Variants in AFF1 observed in about 807,000 individuals in gnomAD.
AFF1 encodes the protein ALF transcription elongation factor 1, also known as AF4/FMR2 family member 1.
In AFF1, 48 loss-of-function variants were observed where a neutral mutation model predicts 121.7. The ratio of observed to expected loss-of-function variants is 0.39; its 90% CI spans 0.31 to 0.50. The LOEUF is 0.50. Ranked by LOEUF, AFF1 falls within the 20% of genes least tolerant of loss-of-function variation. AFF1 has a pLI of 0.76. For synonymous variants in AFF1, 613 were observed against 563.0 expected, an observed-to-expected ratio of 1.09 and a Z score of -1.26; for missense variants, 1,523 against 1,511.7, an observed-to-expected ratio of 1.01 and a Z score of -0.12.
At chr4:86,999,034 C>G (rs1725482634) in intron 2 of AFF1, among the ~76,000 whole-genome samples, 1 of 152,210 alleles carries the variant, frequency 6.6e-6, no homozygotes, top group African/African-American at 2.4e-5. Flanking sequence ...CTGGTCTGGC[C>G]TTGGGACCAT....
In AFF1 at chr4:87,028,687, C is replaced by T. The variant is rs531806926; in HGVS notation, c.39-17479C>T. 5.9e-5 allele frequency among the ~76,000 whole-genome samples: 9 copies of T among 152,280 alleles called. No homozygotes were observed. The South Asian group carries it at 1.9e-3, about 32-fold the overall frequency. On this transcript the variant is annotated intron_variant, in intron 2 of 20. Coordinates refer to ENST00000395146, the MANE Select transcript of AFF1 (RefSeq NM_001166693.3). ...GAATTAAAGATAAATTTTTTAGAAC[C>T]AGCCCTTCTCACACTGAAGGAAAGT...
intron 2 of AFF1, among the ~76,000 whole-genome samples, chr4:87,018,122 G>A (rs985457295): frequency 6.6e-5 from 10 of 152,198 alleles, no homozygotes; most frequent in Non-Finnish European, 8.8e-5. Context: ...CTTTATGAAT[G>A]TGGCCAATTC....
At chr4:87,116,885 G>A (rs777734884) in intron 12 of AFF1, among the ~76,000 whole-genome samples, 1 of 152,108 alleles carries the variant, frequency 6.6e-6, no homozygotes, top group Non-Finnish European at 1.5e-5. Context: ...GGAGAAAATT[G>A]TGATGGACCT....
chr4:87,091,383 A>G (rs986617654), intron 6 of AFF1, among the ~76,000 whole-genome samples: 1 of 152,242 alleles, frequency 6.6e-6, no homozygotes, highest in Non-Finnish European at 1.5e-5. Context: ...AGCCTGGGGT[A>G]ACAAAGCGAG....
At chr4:86,958,832 A>G (rs1181011856) in intron 2 of AFF1, among the ~76,000 whole-genome samples, 1 of 152,202 alleles carries the variant, frequency 6.6e-6, no homozygotes, top group Admixed American at 6.5e-5. Context: ...CCAGAGCAGC[A>G]TTTACTCTAT....
chr4:87,022,558 A>G (rs1450395705), intron 2 of AFF1, among the ~76,000 whole-genome samples: 7 of 51,114 alleles, frequency 1.4e-4, no homozygotes, highest in Non-Finnish European at 2.3e-4. Flanking sequence ...ATATATATAT[A>G]TATATATATA....
In AFF1 at chr4:86,938,288, A is replaced by G. The variant is rs748991702; in HGVS notation, c.-37+3048A>G. On this transcript the variant is annotated intron_variant, in intron 1 of 20. Coordinates refer to ENST00000395146, the MANE Select transcript of AFF1 (RefSeq NM_001166693.3). The stretch of plus-strand genomic sequence containing the variant: ...AATATGGGGAAACCCCATCTCTACT[A>G]AAAATACAAAAAGTAGCTGGGCATG... 5.7e-4 allele frequency among the ~76,000 whole-genome samples: 87 copies of G among 152,204 alleles called. 1 individual carries two copies. Among genetic ancestry groups the G allele is most frequent in the Admixed American group, 2.1e-3 (32 of 15,290 alleles).
At position 87,125,805 on chromosome 4, in the gene AFF1, A is replaced by G. The variant is rs77972447; in HGVS notation, c.2574-294A>G. Among the ~76,000 whole-genome samples the G allele has an allele frequency of 4.2e-3, 636 of 152,332 alleles. 5 individuals are homozygous for G. Among genetic ancestry groups the G allele is most frequent in the African/African-American group, 0.015 (603 of 41,578 alleles). ...GTGTGTGTCCACTCGTCTTCTTGTCAGGGAAAGGCACCGGTTGGGAAGCAG... is the reference window on the plus strand; with the variant it reads ...GTGTGTGTCCACTCGTCTTCTTGTCGGGGAAAGGCACCGGTTGGGAAGCAG... On this transcript the variant is annotated intron_variant, in intron 13 of 20. Transcript: ENST00000395146.
At chr4:86,998,419 G>GT (rs1037891537) in intron 2 of AFF1, among the ~76,000 whole-genome samples, 9 of 152,148 alleles carry the variant, frequency 5.9e-5, no homozygotes, top group Non-Finnish European at 1.2e-4. Context: ...TTGTGATTCA[G>GT]TTTTGTGACT....
intron 8 of AFF1, among the ~76,000 whole-genome samples, chr4:87,101,547 C>A (rs922023103): frequency 6.6e-6 from 1 of 151,130 alleles, no homozygotes; most frequent in African/African-American, 2.4e-5. Context: ...CCACTGCACT[C>A]CAGCATGGGC....
At chr4:87,065,989 T>A (rs2149665044) in intron 4 of AFF1, among the ~76,000 whole-genome samples, 1 of 152,306 alleles carries the variant, frequency 6.6e-6, no homozygotes, top group East Asian at 1.9e-4. Flanking sequence ...GATATATAGG[T>A]TCAAAGGAGA....
chr4:86,986,411 T>A (rs6531943), intron 2 of AFF1, among the ~76,000 whole-genome samples: 142,823 of 152,172 alleles, frequency 0.94, 67,331 homozygotes, highest in Non-Finnish European at 0.98. Flanking sequence ...TTAAAAAGAG[T>A]TAACTATTGT....
rs1729372790 is a variant in AFF1, at chr4:87,137,218, A to G, written c.*1517A>G. 1 of 228,444 alleles carries G rather than the reference A, an allele frequency of 4.4e-6. No homozygotes were observed. Among genetic ancestry groups the G allele is most frequent in the Admixed American group, 5.7e-5 (1 of 17,604 alleles). 14.2% of individuals were successfully genotyped at this position (228,444 alleles called of 1,614,324 possible). On this transcript the variant is annotated 3_prime_UTR_variant, in exon 21 of 21. Coordinates refer to ENST00000395146, the MANE Select transcript of AFF1 (RefSeq NM_001166693.3). Reference sequence around the variant, plus strand: ...TACAATTGAGGAGTGTCATCTCTATAACTTTTTCTCCGCCTTTGTCCCATT... The same window carrying G: ...TACAATTGAGGAGTGTCATCTCTATGACTTTTTCTCCGCCTTTGTCCCATT...
At chr4:87,088,775 G>GTATTTATT (rs35756067) in intron 5 of AFF1, among the ~76,000 whole-genome samples, 20 of 150,476 alleles carry the variant, frequency 1.3e-4, no homozygotes, top group East Asian at 2.0e-4. Flanking sequence ...TTGTATTTTT[G>GTATTTATT]TATTTATTTA....
intron 4 of AFF1, among the ~76,000 whole-genome samples, chr4:87,051,219 C>T (rs56940178): frequency 6.6e-6 from 1 of 152,238 alleles, no homozygotes; most frequent in African/African-American, 2.4e-5. Context: ...CTAGAACACC[C>T]AGTTCTTTTG....
intron 1 of AFF1, among the ~76,000 whole-genome samples, chr4:86,948,053 G>T (rs1410620878): frequency 8.2e-5 from 12 of 145,986 alleles, no homozygotes; most frequent in Non-Finnish European, 1.7e-4. Context: ...TACATTTCTT[G>T]GTTGTTTTTT....
chr4:87,007,547 T>A, intron 2 of AFF1: 4 of 1,312,848 alleles, frequency 3.0e-6, no homozygotes, highest in Non-Finnish European at 4.3e-6. Context: ...TGCCTTCTCA[T>A]CATTCCCGAG....
At position 87,108,262 on chromosome 4, in the gene AFF1, A is replaced by G. The variant is rs771393832; in HGVS notation, c.1480A>G (p.Ser494Gly). 6.2e-7 allele frequency: 1 copy of G among 1,614,118 alleles called. No homozygotes were observed. Among genetic ancestry groups the G allele is most frequent in the South Asian group, 1.1e-5 (1 of 91,080 alleles). ...SDSSSDSESE[S>G]SSSDSEENEP... is the part of the protein sequence containing the mutation. ...CAGTTCCTCAGACTCAGAGAGCGAG[A>G]GCAGTTCAAGTGACAGCGAAGAAAA... The change falls in exon 11 of 21, where the codon AGC becomes GGC. Residue 494 changes from serine to glycine, a missense_variant. By Grantham distance (56) the Ser-to-Gly change is moderately conservative. Coordinates refer to ENST00000395146, the MANE Select transcript of AFF1 (RefSeq NM_001166693.3).
Position 87,030,788 on chromosome 4 carries a change from T to C in AFF1, c.39-15378T>C, listed in dbSNP as rs74565587. ...GGCCAGACTTCACAGCAAAGCTCTG[T>C]GTAACCAGCGTCCTGGTACTCTGTG... On this transcript the variant is annotated intron_variant, in intron 2 of 20. Coordinates refer to ENST00000395146, the MANE Select transcript of AFF1 (RefSeq NM_001166693.3). Among the ~76,000 whole-genome samples, 609 of 152,304 alleles carry C rather than the reference T, an allele frequency of 4.0e-3. 4 individuals carry two copies. Among genetic ancestry groups the C allele is most frequent in the African/African-American group, 0.014 (573 of 41,556 alleles).
Sources: gnomAD v4.1 joint callset for allele counts (sites outside exome capture counted in the v4.1 genomes callset) on GRCh38, gnomAD v4.1.1 for gene constraint, MANE v1.5 for transcripts, NCBI Gene and HGNC (gene_info 2026-07-23, HGNC 2026-07-21) for gene names.